Variants in MICU1 observed in about 807,000 individuals in gnomAD.
The protein encoded by MICU1 is mitochondrial calcium uptake 1.
Under a neutral mutation model 56.8 loss-of-function variants are expected in MICU1, and 45 were observed. The observed-to-expected ratio is 0.79, with a 90% CI of 0.62 to 1.02. MICU1 has a LOEUF of 1.02. Ranked by LOEUF, MICU1 falls within the 50% of genes least tolerant of loss-of-function variation. The pLI is 0.00. For missense variants in MICU1, 504 were observed against 587.1 expected, an observed-to-expected ratio of 0.86 and a Z score of 1.46; for synonymous variants, 186 against 195.1, an observed-to-expected ratio of 0.95 and a Z score of 0.39.
chr10:72,372,392 G>A (rs1051951468), intron 11 of MICU1, among the ~76,000 whole-genome samples: 7 of 152,120 alleles, frequency 4.6e-5, no homozygotes, highest in Non-Finnish European at 8.8e-5. Context: ...ACCATTTTGG[G>A]AGGCCAAGAA....
At chr10:72,395,982 G>T (rs1863243315) in intron 10 of MICU1, among the ~76,000 whole-genome samples, 1 of 152,240 alleles carries the variant, frequency 6.6e-6, no homozygotes, top group South Asian at 2.1e-4. Flanking sequence ...CCTCAAGTGG[G>T]TCTCTGACCC....
intron 1 of MICU1, among the ~76,000 whole-genome samples, chr10:72,610,734 C>G (rs1841821429): frequency 2.6e-5 from 4 of 152,050 alleles, no homozygotes; most frequent in Non-Finnish European, 5.9e-5. Flanking sequence ...TTTGCCAAAC[C>G]CTATTGGATA....
At chr10:72,383,989 TAA>T (rs797009644) in intron 10 of MICU1, among the ~76,000 whole-genome samples, 10,653 of 150,806 alleles carry the variant, frequency 0.071, 1,297 homozygotes, top group African/African-American at 0.25. Flanking sequence ...ACAATTTTAT[TAA>T]AAAAAAATTT....
chr10:72,610,326 A>G (rs1841810666), intron 1 of MICU1, among the ~76,000 whole-genome samples: 1 of 151,886 alleles, frequency 6.6e-6, no homozygotes, highest in Admixed American at 6.6e-5. Flanking sequence ...CTTTTTTTAA[A>G]GAAAAAATAT....
At chr10:72,419,563 G>C (rs1589196341) in intron 9 of MICU1, among the ~76,000 whole-genome samples, 1 of 152,204 alleles carries the variant, frequency 6.6e-6, no homozygotes, top group African/African-American at 2.4e-5. Context: ...TGGCTGATAA[G>C]AAGGGTTTTC....
At chr10:72,395,879 T>C (rs1863239562) in intron 10 of MICU1, among the ~76,000 whole-genome samples, 1 of 152,218 alleles carries the variant, frequency 6.6e-6, no homozygotes. Context: ...AGCAGAAATT[T>C]CTGCTGACTT....
intron 8 of MICU1, among the ~76,000 whole-genome samples, chr10:72,426,610 T>C (rs1233506993): frequency 1.3e-5 from 2 of 151,834 alleles, no homozygotes; most frequent in African/African-American, 2.4e-5. Flanking sequence ...TTGCCTGGGC[T>C]GTTCTCAAAC....
At chr10:72,569,435 A>G (rs1840551829) in intron 1 of MICU1, among the ~76,000 whole-genome samples, 1 of 150,940 alleles carries the variant, frequency 6.6e-6, no homozygotes, top group African/African-American at 2.4e-5. Flanking sequence ...GGGTTTCATC[A>G]TGTTGGTCAG....
chr10:72,435,582 C>T (rs1160427871), intron 8 of MICU1, among the ~76,000 whole-genome samples: 1 of 151,990 alleles, frequency 6.6e-6, no homozygotes, highest in Non-Finnish European at 1.5e-5. Flanking sequence ...TGAAGCAGGG[C>T]GGGGTGTCAC....
intron 1 of MICU1, among the ~76,000 whole-genome samples, chr10:72,615,571 T>A (rs936246419): frequency 6.6e-6 from 1 of 152,186 alleles, no homozygotes; most frequent in African/African-American, 2.4e-5. Context: ...GTCTTAGGCT[T>A]TTTTCTCTGA....
chr10:72,597,732 G>C (rs896892831), intron 1 of MICU1, among the ~76,000 whole-genome samples: 3 of 151,930 alleles, frequency 2.0e-5, no homozygotes, highest in Non-Finnish European at 4.4e-5. Flanking sequence ...AACATTTTTT[G>C]TAATTTTTGC....
intron 4 of MICU1, among the ~76,000 whole-genome samples, chr10:72,535,481 G>A (rs918785119): frequency 6.6e-6 from 1 of 152,074 alleles, no homozygotes; most frequent in Non-Finnish European, 1.5e-5. Context: ...TATCCTACAG[G>A]ACCTTTCTCA....
intron 1 of MICU1, among the ~76,000 whole-genome samples, chr10:72,617,771 G>A (rs914462477): frequency 2.6e-5 from 4 of 152,180 alleles, no homozygotes; most frequent in Non-Finnish European, 5.9e-5. Flanking sequence ...GTTTGAAGGT[G>A]CAGTAAGCTG....
chr10:72,543,489 C>T (rs1474206200), intron 4 of MICU1, among the ~76,000 whole-genome samples: 3 of 145,076 alleles, frequency 2.1e-5, no homozygotes, highest in Admixed American at 7.0e-5. Flanking sequence ...GCCTGGGCAA[C>T]ATAGCGAGAC....
chr10:72,509,391 G>C, intron 5 of MICU1: 1 of 1,335,488 alleles, frequency 7.5e-7, no homozygotes, highest in Non-Finnish European at 9.9e-7. Flanking sequence ...ACTATCCAAT[G>C]GGTTACCTCT....
intron 1 of MICU1, among the ~76,000 whole-genome samples, chr10:72,616,788 C>T (rs754929008): frequency 3.3e-5 from 5 of 152,168 alleles, no homozygotes; most frequent in South Asian, 2.1e-4. Context: ...ATACTTGAGA[C>T]GGATCCTCTG....
chr10:72,432,216 CCT>C (rs1864559322), intron 8 of MICU1, among the ~76,000 whole-genome samples: 1 of 151,920 alleles, frequency 6.6e-6, no homozygotes, highest in African/African-American at 2.4e-5. Context: ...ACCTCAGCCC[CCT>C]GAGTAGCTAG....
intron 8 of MICU1, among the ~76,000 whole-genome samples, chr10:72,457,751 T>G (rs564605190): frequency 3.3e-5 from 5 of 151,322 alleles, no homozygotes; most frequent in African/African-American, 7.3e-5. Flanking sequence ...GAGAGAGAGA[T>G]AGTCACCACC....
chr10:72,403,158 A>C (rs1863513037), intron 10 of MICU1, among the ~76,000 whole-genome samples: 1 of 152,066 alleles, frequency 6.6e-6, no homozygotes, highest in Non-Finnish European at 1.5e-5. Flanking sequence ...TGGGTGGATC[A>C]TGAGGTCAGG....
Sources: gnomAD v4.1 joint callset for allele counts (sites outside exome capture counted in the v4.1 genomes callset) on GRCh38, gnomAD v4.1.1 for gene constraint, MANE v1.5 for transcripts, NCBI Gene and HGNC (gene_info 2026-07-23, HGNC 2026-07-21) for gene names.